BCAT1: variants seen among roughly 807,000 people sequenced by gnomAD.
BCAT1 encodes the protein branched chain amino acid transaminase 1, also known as branched-chain-amino-acid aminotransferase, cytosolic.
A neutral mutation model predicts 52.4 loss-of-function variants in BCAT1; 48 were observed. That is an observed-to-expected ratio of 0.92 (90% CI 0.73 to 1.16). The LOEUF is 1.16. BCAT1 is among the 50% of genes most tolerant of loss of function. The pLI is 0.00. For synonymous variants in BCAT1, 167 were observed against 161.3 expected (o/e 1.04, Z -0.27); for missense variants, 451 against 457.1 (o/e 0.99, Z 0.12).
chr12:24,874,035 C>T (rs1942256281), intron 5 of BCAT1, among the ~76,000 whole-genome samples: 1 of 152,112 alleles, frequency 6.6e-6, no homozygotes, highest in Non-Finnish European at 1.5e-5. Context: ...ATGAAGGAGG[C>T]CGGGCATGGT....
At chr12:24,943,900 C>A (rs570235810) in intron 1 of BCAT1, among the ~76,000 whole-genome samples, 1 of 151,886 alleles carries the variant, frequency 6.6e-6, no homozygotes, top group Admixed American at 6.6e-5. Flanking sequence ...AGGAGAATGG[C>A]GTGAACCCAG....
At chr12:24,871,040 A>T (rs1471089756) in intron 5 of BCAT1, among the ~76,000 whole-genome samples, 2 of 152,162 alleles carry the variant, frequency 1.3e-5, no homozygotes, top group Non-Finnish European at 2.9e-5. Flanking sequence ...GAAAAAAAAA[A>T]GATTGTTATC....
intron 1 of BCAT1, among the ~76,000 whole-genome samples, chr12:24,936,979 T>C (rs1195226230): frequency 6.6e-6 from 1 of 152,108 alleles, no homozygotes; most frequent in Non-Finnish European, 1.5e-5. Flanking sequence ...GGGCTATGAC[T>C]CAGCCTACCA....
At chr12:24,946,061 A>G (rs901001060) in intron 1 of BCAT1, among the ~76,000 whole-genome samples, 14 of 152,178 alleles carry the variant, frequency 9.2e-5, no homozygotes, top group Admixed American at 2.0e-4. Flanking sequence ...CCAACTTCCT[A>G]TACCAGTTGA....
chr12:24,902,369 C>G, intron 1 of BCAT1: 1 of 1,169,520 alleles, frequency 8.6e-7, no homozygotes, highest in Non-Finnish European at 1.1e-6. Context: ...GCAGGGTCCT[C>G]CGATGCCGCA....
At chr12:24,926,308 G>A (rs1247053001) in intron 1 of BCAT1, among the ~76,000 whole-genome samples, 1 of 151,900 alleles carries the variant, frequency 6.6e-6, no homozygotes, top group South Asian at 2.1e-4. Flanking sequence ...GAGCCCCTCC[G>A]CCCAGCAGCC....
At chr12:24,828,762 T>G (rs1053604667) in intron 10 of BCAT1, among the ~76,000 whole-genome samples, 5 of 152,182 alleles carry the variant, frequency 3.3e-5, no homozygotes, top group Non-Finnish European at 7.3e-5. Flanking sequence ...TCCCAGCACT[T>G]TGGGAAGCCA....
intron 5 of BCAT1, among the ~76,000 whole-genome samples, chr12:24,861,681 G>A (rs992502438): frequency 6.6e-6 from 1 of 152,172 alleles, no homozygotes; most frequent in Non-Finnish European, 1.5e-5. Context: ...GGGAAAATAT[G>A]TCAGAACTAT....
chr12:24,893,756 C>T (rs1942896709), intron 3 of BCAT1, among the ~76,000 whole-genome samples: 1 of 151,920 alleles, frequency 6.6e-6, no homozygotes, highest in Non-Finnish European at 1.5e-5. Context: ...AATTGTGCAC[C>T]CTGAAAAGGA....
At position 24,815,534 on chromosome 12, in the gene BCAT1, A is replaced by C. The variant is rs1025297729; in HGVS notation, c.*2474T>G. The stretch of plus-strand genomic sequence containing the variant: ...TATAATGTGGCACTCTTGCTGTATT[A>C]ATCCACTGCAATTAAACAAATAGTG... On this transcript the variant is annotated 3_prime_UTR_variant, in exon 11 of 11. Transcript: ENST00000261192. The C allele has an allele frequency of 1.3e-5, 2 of 152,614 alleles. No homozygotes were observed. The highest frequency in any genetic ancestry group is 4.8e-5 in the African/African-American group (2 of 41,466). 9.5% of individuals were successfully genotyped at this position (152,614 alleles called of 1,614,324 possible). A position where few individuals can be genotyped will look rare whatever the true frequency, so the allele number is the denominator to read the frequency against.
intron 8 of BCAT1, among the ~76,000 whole-genome samples, chr12:24,835,219 C>T (rs1940865736): frequency 6.6e-6 from 1 of 152,176 alleles, no homozygotes; most frequent in South Asian, 2.1e-4. Context: ...ATGTCATGCC[C>T]AATGCGCCAG....
chr12:24,922,672 A>C (rs944617790), intron 1 of BCAT1, among the ~76,000 whole-genome samples: 2 of 152,088 alleles, frequency 1.3e-5, no homozygotes, highest in African/African-American at 4.8e-5. Context: ...GGAGATCAAG[A>C]CCATCCTGGC....
At chr12:24,932,655 T>C (rs1292734708) in intron 1 of BCAT1, among the ~76,000 whole-genome samples, 1 of 152,246 alleles carries the variant, frequency 6.6e-6, no homozygotes, top group East Asian at 1.9e-4. Context: ...GGATCTTTGT[T>C]GCAGACTGTC....
intron 9 of BCAT1, chr12:24,830,523 G>T (rs1476199143): frequency 1.3e-5 from 2 of 152,150 alleles, no homozygotes; most frequent in Non-Finnish European, 2.9e-5. Context: ...CTCATGCCTT[G>T]CTGGCTTGCA....
chr12:24,884,152 T>C, intron 3 of BCAT1, among the ~76,000 whole-genome samples: 1 of 152,224 alleles, frequency 6.6e-6, no homozygotes, highest in Middle Eastern at 3.2e-3. Flanking sequence ...GTATACATGA[T>C]GGAATGTTAT....
intron 10 of BCAT1, among the ~76,000 whole-genome samples, chr12:24,829,362 C>T (rs1314099887): frequency 6.6e-6 from 1 of 152,092 alleles, no homozygotes; most frequent in African/African-American, 2.4e-5. Context: ...CCAGCCTGGG[C>T]AACAAGAGTG....
In BCAT1 at chr12:24,810,864, GC is replaced by G. The variant is rs1477995606; in HGVS notation, c.*7143del. On this transcript the variant is annotated 3_prime_UTR_variant, in exon 11 of 11. Coordinates refer to ENST00000261192, the MANE Select transcript of BCAT1 (RefSeq NM_005504.7). ...GCACTTGGCTTTGTTCTCCCTTGGT[GC>G]TTTTGAGGACAATTTCTGCAAGGCC... The G allele has an allele frequency of 6.6e-6, 1 of 152,178 alleles. No individual in the cohort carries two copies. The highest frequency in any genetic ancestry group is 1.5e-5 in the Non-Finnish European group (1 of 68,026). The allele number at this position is 152,178 out of a possible 1,614,324, so 9.4% of individuals were successfully genotyped here.
At chr12:24,822,870 A>T (rs901005985) in intron 10 of BCAT1, among the ~76,000 whole-genome samples, 3 of 152,174 alleles carry the variant, frequency 2.0e-5, no homozygotes, top group Non-Finnish European at 4.4e-5. Flanking sequence ...GTGAAAAAAG[A>T]AATTATTCAT....
chr12:24,899,855 A>C (rs2139672118), intron 2 of BCAT1, among the ~76,000 whole-genome samples: 1 of 151,848 alleles, frequency 6.6e-6, no homozygotes, highest in African/African-American at 2.4e-5. Context: ...AGTTGATCTC[A>C]TGGAGGAAGA....
Sources: allele counts gnomAD v4.1 joint callset (sites outside exome capture counted in the v4.1 genomes callset), GRCh38; gene constraint gnomAD v4.1.1; transcripts MANE v1.5; gene names NCBI Gene and HGNC (gene_info 2026-07-23, HGNC 2026-07-21).